Variants in TPGS1 observed in about 807,000 individuals in gnomAD.
TPGS1 encodes the protein tubulin polyglutamylase complex subunit 1.
In TPGS1, 18 loss-of-function variants were observed where a neutral mutation model predicts 11.9. The ratio of observed to expected loss-of-function variants is 1.51; its 90% CI spans 1.04 to 2.24. The LOEUF is 2.24. Ranked by LOEUF, TPGS1 falls within the 30% of genes most tolerant of loss-of-function variation. TPGS1 has a pLI of 0.00. For missense variants in TPGS1, 500 were observed against 443.0 expected, an observed-to-expected ratio of 1.13 and a Z score of -1.16; for synonymous variants, 247 against 218.2, an observed-to-expected ratio of 1.13 and a Z score of -1.16.
At chr19:510,267 G>A (rs1978751300) in intron 1 of TPGS1, 1 of 152,144 alleles carries the variant, frequency 6.6e-6, no homozygotes, top group Non-Finnish European at 1.5e-5. Context: ...CAGCTACTCG[G>A]GAGGCTGAGG....
intron 1 of TPGS1, among the ~76,000 whole-genome samples, chr19:516,496 T>G (rs921117441): frequency 6.6e-6 from 1 of 152,012 alleles, no homozygotes; most frequent in African/African-American, 2.4e-5. Flanking sequence ...GCGATTCTCC[T>G]GCCTCAGACT....
intron 1 of TPGS1, among the ~76,000 whole-genome samples, chr19:514,168 T>A (rs1366470794): frequency 7.9e-6 from 1 of 126,690 alleles, no homozygotes; most frequent in South Asian, 2.7e-4. Flanking sequence ...ACACTGACCC[T>A]ACATTTACTG....
rs1978663338 is a variant in TPGS1, at chr19:507,726, A to G, written c.220A>G (p.Met74Val). ...CTTCCTGGCTCACTACTTCGAGAAC[A>G]TGGGCCTGCGCTCGCCTGTAAACGG... The part of the protein sequence containing the change: ...IAFLAHYFEN[M>V]GLRSPVNGGA... Residue 74 changes from methionine (M) to valine (V), a missense_variant, in exon 1 of 2, where the codon ATG (methionine) becomes GTG (valine). Physicochemically the swap from Met to Val is conservative, Grantham distance 21 (BLOSUM62 1). Coordinates refer to ENST00000359315, the MANE Select transcript of TPGS1 (RefSeq NM_033513.3). 1 of 1,400,708 alleles carries G rather than the reference A, an allele frequency of 7.1e-7. No homozygotes were observed. The highest frequency in any genetic ancestry group is 9.3e-7 in the Non-Finnish European group (1 of 1,073,300). 86.8% of individuals were successfully genotyped at this position (1,400,708 alleles called of 1,614,324 possible).
At position 519,372 on chromosome 19, in the gene TPGS1, T is replaced by C; in HGVS notation, c.822T>C (p.Phe274=). Residue 274 remains phenylalanine, a synonymous_variant, in exon 2 of 2, where the codon TTT becomes TTC. Coordinates refer to ENST00000359315, the MANE Select transcript of TPGS1 (RefSeq NM_033513.3). The stretch of plus-strand genomic sequence containing the variant: ...GCGCGCCCATGACCCGCGAGGAGTT[T>C]CTGGAGAGGGCCGCCGCGCTCTTCA... The part of the protein sequence containing the change: ...RPSAPMTREE[F]LERAAALFIA... 2 of 1,220,256 alleles carry C rather than the reference T, an allele frequency of 1.6e-6. No individual in the cohort carries two copies. Among genetic ancestry groups the C allele is most frequent in the South Asian group, 3.6e-5 (1 of 28,006 alleles). 75.6% of individuals were successfully genotyped at this position (1,220,256 alleles called of 1,614,324 possible). A position where few individuals can be genotyped will look rare whatever the true frequency, so the allele number is the denominator to read the frequency against.
chr19:512,678 C>G (rs1023385346), intron 1 of TPGS1, among the ~76,000 whole-genome samples: 4 of 152,226 alleles, frequency 2.6e-5, no homozygotes, highest in African/African-American at 9.6e-5. Flanking sequence ...ATCCGCGGAG[C>G]AGCGCTGCCG....
rs1380791549 is a variant in TPGS1 at position 519,266 on chromosome 19, G to C, written c.716G>C (p.Arg239Pro). The C allele has an allele frequency of 6.7e-6, 8 of 1,199,820 alleles. No homozygotes were observed. The highest frequency in any genetic ancestry group is 1.6e-5 in the African/African-American group (1 of 62,574). The allele number at this position is 1,199,820 out of a possible 1,614,324, so 74.3% of individuals were successfully genotyped here. A position where few individuals can be genotyped will look rare whatever the true frequency, so the allele number is the denominator to read the frequency against. ...LQASDAAAPA[R>P]FLEAGSRLGP... ...GCCAGCGACGCCGCCGCGCCCGCGC[G>C]CTTCCTGGAGGCCGGCTCGCGCTTG... is the stretch of plus-strand genomic sequence containing the variant. Residue 239 changes from arginine (R) to proline (P), a missense_variant, in exon 2 of 2, where the codon CGC becomes CCC. Coordinates refer to ENST00000359315, the MANE Select transcript of TPGS1 (RefSeq NM_033513.3).
rs149354157 is a variant in TPGS1, at chr19:514,750, TC to T, written c.339-4136del. ...CATGGGGCTGCCCTGAGCCTCAGTT[TC>T]CCTATATGTCCCAGAGGAAGTAACA... is the stretch of plus-strand genomic sequence containing the variant. On this transcript the variant is annotated intron_variant, in intron 1 of 1. Coordinates refer to ENST00000359315, the MANE Select transcript of TPGS1 (RefSeq NM_033513.3). Among the ~76,000 whole-genome samples the T allele has an allele frequency of 4.5e-3, 685 of 152,336 alleles. 29 individuals are homozygous for T. In the East Asian group the frequency reaches 0.084, roughly 19 times the overall value.
Position 519,254 on chromosome 19 carries a change from C to T in TPGS1, c.704C>T (p.Ala235Val). The change falls in exon 2 of 2, where the codon GCC (alanine) becomes GTC (valine). Residue 235 changes from alanine (A) to valine (V), a missense_variant. By Grantham distance (64) the Ala-to-Val change is moderately conservative. Transcript: ENST00000359315. ...GGCGCGCTGCAGGCCAGCGACGCCG[C>T]CGCGCCCGCGCGCTTCCTGGAGGCC... Reference protein sequence around the residue: ...LEGALQASDAAAPARFLEAGS... With the variant: ...LEGALQASDAVAPARFLEAGS... 1 of 1,208,168 alleles carries T rather than the reference C, an allele frequency of 8.3e-7. No homozygotes were observed. The highest frequency in any genetic ancestry group is 1.0e-6 in the Non-Finnish European group (1 of 974,356). The allele number at this position is 1,208,168 out of a possible 1,614,324, so 74.8% of individuals were successfully genotyped here.
chr19:507,531 C>A lies in TPGS1; in HGVS notation c.25C>A (p.Gln9Lys). The change falls in exon 1 of 2, where the codon CAA becomes AAA. Residue 9 changes from glutamine (Q) to lysine (K), a missense_variant. Physicochemically the swap from Gln to Lys is moderately conservative, Grantham distance 53. Coordinates refer to ENST00000359315, the MANE Select transcript of TPGS1 (RefSeq NM_033513.3). The stretch of plus-strand genomic sequence containing the variant: ...GATGGCGGCAGTGGAGAAGCGGCGG[C>A]AAGCGGTACCACCGCCGGCCGGTTT... The part of the protein sequence containing the change: MAAVEKRR[Q>K]AVPPPAGFTD... 7.0e-7 allele frequency: 1 copy of A among 1,419,624 alleles called. No individual in the cohort carries two copies. Among genetic ancestry groups the A allele is most frequent in the Non-Finnish European group, 9.2e-7 (1 of 1,083,246 alleles). The allele number at this position is 1,419,624 out of a possible 1,614,324, so 87.9% of individuals were successfully genotyped here.
At chr19:516,920 AT>A (rs886653873) in intron 1 of TPGS1, among the ~76,000 whole-genome samples, 2 of 152,172 alleles carry the variant, frequency 1.3e-5, no homozygotes, top group Non-Finnish European at 2.9e-5. Flanking sequence ...CTTTAAGAGG[AT>A]TTTAAAATTT....
In TPGS1 at chr19:519,468, C is replaced by T; in HGVS notation, c.*45C>T. The T allele has an allele frequency of 8.4e-7, 1 of 1,183,708 alleles. No homozygotes were observed. The highest frequency in any genetic ancestry group is 1.0e-6 in the Non-Finnish European group (1 of 956,066). The allele number at this position is 1,183,708 out of a possible 1,614,324, so 73.3% of individuals were successfully genotyped here. ...TCCGGGATCTGCGCTGGGGGGTCCC[C>T]GCGTGCGGGGCGCGCGGAGCCTTCC... is the stretch of plus-strand genomic sequence containing the variant. On this transcript the variant is annotated 3_prime_UTR_variant, in exon 2 of 2. Transcript: ENST00000359315.
intron 1 of TPGS1, among the ~76,000 whole-genome samples, chr19:517,307 C>G (rs978662689): frequency 8.2e-5 from 11 of 134,914 alleles, no homozygotes; most frequent in Non-Finnish European, 1.7e-4. Context: ...TGCAGAGGCC[C>G]TGAGGCCGGT....
chr19:510,386 G>C (rs1215079002), intron 1 of TPGS1: 1 of 151,390 alleles, frequency 6.6e-6, no homozygotes, highest in African/African-American at 2.4e-5. Context: ...AAAAAAAAAA[G>C]AGAAGCTCAG....
intron 1 of TPGS1, among the ~76,000 whole-genome samples, chr19:510,859 G>A (rs190790446): frequency 1.3e-5 from 2 of 152,316 alleles, no homozygotes; most frequent in Admixed American, 1.3e-4. Flanking sequence ...TCTGGGGGCC[G>A]TCCTGGGTAC....
chr19:512,302 C>G (rs1437026213), intron 1 of TPGS1, among the ~76,000 whole-genome samples: 1 of 152,108 alleles, frequency 6.6e-6, no homozygotes, highest in Non-Finnish European at 1.5e-5. Flanking sequence ...TACCCGGGAC[C>G]ACAGACGCAC....
chr19:518,832 G>T, intron 1 of TPGS1, 57 bp from the exon 2 acceptor site: 2 of 1,446,862 alleles, frequency 1.4e-6, no homozygotes, highest in Non-Finnish European at 1.8e-6. Flanking sequence ...AGGAGGGGAG[G>T]CTGGGGCTGG....
rs1979083730 is a variant in TPGS1 at position 519,463 on chromosome 19, G to A, written c.*40G>A. On this transcript the variant is annotated 3_prime_UTR_variant, in exon 2 of 2. Transcript: ENST00000359315. ...GCGGATCCGGGATCTGCGCTGGGGG[G>A]TCCCCGCGTGCGGGGCGCGCGGAGC... 1.4e-5 allele frequency: 17 copies of A among 1,187,892 alleles called. No homozygotes were observed. Among genetic ancestry groups the A allele is most frequent in the Middle Eastern group, 3.1e-4 (1 of 3,194 alleles). The allele number at this position is 1,187,892 out of a possible 1,614,324, so 73.6% of individuals were successfully genotyped here. A position where few individuals can be genotyped will look rare whatever the true frequency, so the allele number is the denominator to read the frequency against.
Position 519,620 on chromosome 19 carries a change from CT to C in TPGS1, c.*198del, listed in dbSNP as rs1979090404. ...CGCCCCTCCACCCCCGCGGGAGCCCCTGCCCCACGCTAATAAAATGTGTTGC... is the reference window on the plus strand; with the variant it reads ...CGCCCCTCCACCCCCGCGGGAGCCCCGCCCCACGCTAATAAAATGTGTTGC... On this transcript the variant is annotated 3_prime_UTR_variant, in exon 2 of 2. Transcript: ENST00000359315. The C allele has an allele frequency of 3.0e-6, 1 of 338,600 alleles. No individual in the cohort carries two copies. Among genetic ancestry groups the C allele is most frequent in the Non-Finnish European group, 5.1e-6 (1 of 197,594 alleles). 21.0% of individuals were successfully genotyped at this position (338,600 alleles called of 1,614,324 possible).
chr19:512,770 G>C (rs113103883), intron 1 of TPGS1, among the ~76,000 whole-genome samples: 5 of 152,376 alleles, frequency 3.3e-5, no homozygotes, highest in African/African-American at 1.2e-4. Context: ...TGCACAGCCG[G>C]AACGGGACTG....
Sources: allele counts gnomAD v4.1 joint callset (sites outside exome capture counted in the v4.1 genomes callset), GRCh38; gene constraint gnomAD v4.1.1; transcripts MANE v1.5; gene names NCBI Gene and HGNC (gene_info 2026-07-23, HGNC 2026-07-21).